The following SULT1C3 variants were observed in gnomAD, a reference collection of about 807,000 sequenced individuals.
SULT1C3 encodes sulfotransferase family 1C member 3.
In SULT1C3, 31 loss-of-function variants were observed where a neutral mutation model predicts 28.4. That is an observed-to-expected ratio of 1.09 (90% CI 0.82 to 1.47). The LOEUF (loss-of-function observed/expected upper bound fraction) is 1.47. SULT1C3 is among the 40% of genes most tolerant of loss of function. The pLI, the probability that SULT1C3 is intolerant of heterozygous loss-of-function variation, is 0.00. For synonymous variants in SULT1C3, 106 were observed against 92.2 expected (o/e 1.15, Z -0.86); for missense variants, 307 against 272.5 (o/e 1.13, Z -0.89).
At chr2:108,246,665 A>C (rs1020538866) in intron 1 of SULT1C3, among the ~76,000 whole-genome samples, 1 of 152,224 alleles carries the variant, frequency 6.6e-6, no homozygotes, top group African/African-American at 2.4e-5. Context: ...AACTACATGA[A>C]ATTATGTTTT....
At chr2:108,249,878 G>C (rs1675686508) in intron 2 of SULT1C3, among the ~76,000 whole-genome samples, 2 of 152,112 alleles carry the variant, frequency 1.3e-5, no homozygotes, top group South Asian at 4.2e-4. Context: ...ATTGTTGATA[G>C]ACATAAATAC....
chr2:108,264,903 T>G, downstream of SULT1C3: 1 of 1,613,912 alleles, frequency 6.2e-7, no homozygotes, highest in African/African-American at 1.3e-5. Flanking sequence ...TAAAATCATC[T>G]ATCACACCTC....
chr2:108,261,965 A>G (rs1052960624), downstream of SULT1C3, among the ~76,000 whole-genome samples: 3 of 152,114 alleles, frequency 2.0e-5, no homozygotes, highest in Admixed American at 1.3e-4. Context: ...GGAAGCAGAG[A>G]GGATGAAGAT....
chr2:108,261,092 CT>C (rs1253917980), downstream of SULT1C3, among the ~76,000 whole-genome samples: 1 of 152,080 alleles, frequency 6.6e-6, no homozygotes, highest in African/African-American at 2.4e-5. Context: ...ACATTCTATA[CT>C]TTTATGTATA....
At chr2:108,262,924 A>C (rs1676054935), downstream of SULT1C3, among the ~76,000 whole-genome samples, 1 of 152,098 alleles carries the variant, frequency 6.6e-6, no homozygotes, top group Non-Finnish European at 1.5e-5. Flanking sequence ...AAAATGACAA[A>C]ATTTTTCAGA....
intron 4 of SULT1C3, among the ~76,000 whole-genome samples, chr2:108,254,552 G>A (rs1434133412): frequency 3.3e-5 from 5 of 151,758 alleles, no homozygotes; most frequent in Non-Finnish European, 5.9e-5. Context: ...GGACTTGATC[G>A]TGCCCAATTT....
intron 1 of SULT1C3, among the ~76,000 whole-genome samples, chr2:108,241,728 G>A (rs1675463688): frequency 6.6e-6 from 1 of 152,014 alleles, no homozygotes; most frequent in Admixed American, 6.6e-5. Context: ...GAGATTGAGA[G>A]CATCCTGGCT....
chr2:108,246,113 C>T (rs1675570547), intron 1 of SULT1C3, among the ~76,000 whole-genome samples: 1 of 152,164 alleles, frequency 6.6e-6, no homozygotes, highest in Non-Finnish European at 1.5e-5. Context: ...CCATCTGAGA[C>T]CACAGTAGCC....
At chr2:108,254,362 T>C (rs1675808230) in intron 4 of SULT1C3, among the ~76,000 whole-genome samples, 1 of 152,002 alleles carries the variant, frequency 6.6e-6, no homozygotes, top group Non-Finnish European at 1.5e-5. Context: ...TACTTGTTCT[T>C]CTGGTCTTTT....
intron 2 of SULT1C3, among the ~76,000 whole-genome samples, chr2:108,251,984 T>C (rs1171396038): frequency 6.6e-6 from 1 of 151,914 alleles, no homozygotes; most frequent in Non-Finnish European, 1.5e-5. Context: ...TGTCATAATA[T>C]AGGAAATGTA....
chr2:108,253,689 A>C (rs1317143927), intron 4 of SULT1C3, among the ~76,000 whole-genome samples: 1 of 152,062 alleles, frequency 6.6e-6, no homozygotes, highest in East Asian at 1.9e-4. Flanking sequence ...TCCAAAATTG[A>C]GTCTGTGTTG....
chr2:108,261,147 A>T (rs899375423), downstream of SULT1C3, among the ~76,000 whole-genome samples: 1 of 152,190 alleles, frequency 6.6e-6, no homozygotes, highest in African/African-American at 2.4e-5. Flanking sequence ...TACATTTCAG[A>T]GTCACCATTT....
chr2:108,246,394 T>C (rs1283360086), intron 1 of SULT1C3, among the ~76,000 whole-genome samples: 2 of 152,164 alleles, frequency 1.3e-5, no homozygotes, highest in Non-Finnish European at 2.9e-5. Context: ...TTAACAGACT[T>C]AAAGTTCCAC....
At chr2:108,252,103 A>T (rs2104387442) in intron 2 of SULT1C3, among the ~76,000 whole-genome samples, 1 of 152,022 alleles carries the variant, frequency 6.6e-6, no homozygotes, top group Admixed American at 6.6e-5. Flanking sequence ...ACATACTTAG[A>T]TACATAGATA....
Position 108,253,392 on chromosome 2 carries a change from C to T in SULT1C3, c.349C>T (p.His117Tyr). The change falls in exon 4 of 8, where the codon CAT becomes TAT. Residue 117 changes from histidine (H) to tyrosine (Y), a missense_variant. His to Tyr is a moderately conservative substitution (Grantham distance 83). Transcript: ENST00000681802. Reference sequence around the variant, plus strand: ...GTCCTCACCACAACTGATAAAAACACATCTCCCTTCACATCTGATTCCACC... The same window carrying T: ...GTCCTCACCACAACTGATAAAAACATATCTCCCTTCACATCTGATTCCACC... ...EMSSPQLIKT[H>Y]LPSHLIPPSI... 4 of 1,582,634 alleles carry T rather than the reference C, an allele frequency of 2.5e-6. No homozygotes were observed. Among genetic ancestry groups the T allele is most frequent in the Non-Finnish European group, 3.4e-6 (4 of 1,164,776 alleles).
At chr2:108,257,032 T>A (rs775533588) in intron 5 of SULT1C3, among the ~76,000 whole-genome samples, 2 of 152,092 alleles carry the variant, frequency 1.3e-5, no homozygotes, top group Non-Finnish European at 2.9e-5. Flanking sequence ...GTTACTGTTT[T>A]TTTGTGTCAA....
chr2:108,240,278 G>A (rs909338905), intron 1 of SULT1C3, among the ~76,000 whole-genome samples, 195 bp downstream of exon 1: 3 of 152,228 alleles, frequency 2.0e-5, no homozygotes, highest in Admixed American at 2.0e-4. Flanking sequence ...ATTGGGTCCT[G>A]AGGTAACACT....
intron 4 of SULT1C3, among the ~76,000 whole-genome samples, chr2:108,253,850 C>A (rs1337098611): frequency 6.6e-6 from 1 of 151,998 alleles, no homozygotes; most frequent in African/African-American, 2.4e-5. Context: ...GGCTTCCACA[C>A]CTCCATAATC....
At chr2:108,264,877 C>A (rs752565439), downstream of SULT1C3, 2 of 1,613,678 alleles carry the variant, frequency 1.2e-6, no homozygotes, top group South Asian at 2.2e-5. Flanking sequence ...AAAGACATAT[C>A]AGAGGAAATT....
Sources: allele counts gnomAD v4.1 joint callset (sites outside exome capture counted in the v4.1 genomes callset), GRCh38; gene constraint gnomAD v4.1.1; transcripts MANE v1.5; gene names NCBI Gene and HGNC (gene_info 2026-07-23, HGNC 2026-07-21).